Variants in PRKX observed in about 807,000 individuals in gnomAD.
PRKX encodes the protein cAMP-dependent protein kinase catalytic subunit PRKX.
Under a neutral mutation model 22.0 loss-of-function variants are expected in PRKX, and 12 were observed. The ratio of observed to expected loss-of-function variants is 0.54; its 90% CI spans 0.35 to 0.88. The LOEUF is 0.88. Ranked by LOEUF, PRKX falls within the 40% of genes least tolerant of loss-of-function variation. PRKX has a pLI of 0.01. For missense variants in PRKX, 217 were observed against 308.0 expected, an observed-to-expected ratio of 0.70 and a Z score of 2.21; for synonymous variants, 134 against 137.7, an observed-to-expected ratio of 0.97 and a Z score of 0.19.
chrX:3,637,226 T>A (rs1926910031), intron 4 of PRKX, among the ~76,000 whole-genome samples: 1 of 109,421 alleles, frequency 9.1e-6, no homozygotes, highest in Non-Finnish European at 1.9e-5. Flanking sequence ...TAAAAAGCAG[T>A]GGGAAGACAA....
chrX:3,673,713 G>T (rs1304175624), intron 2 of PRKX, among the ~76,000 whole-genome samples: 1 of 111,078 alleles, frequency 9.0e-6, no homozygotes, highest in Non-Finnish European at 1.9e-5. Context: ...AAGGCATCTG[G>T]GTGGAAATGG....
intron 1 of PRKX, among the ~76,000 whole-genome samples, chrX:3,687,685 T>TA (rs1245699115): frequency 1.1e-4 from 12 of 108,073 alleles, no homozygotes; most frequent in East Asian, 8.7e-4. Flanking sequence ...TCCCAGGGGC[T>TA]AAAAAAAAAC....
chrX:3,693,766 T>A (rs1461499691), intron 1 of PRKX, among the ~76,000 whole-genome samples: 1 of 106,903 alleles, frequency 9.4e-6, no homozygotes, highest in African/African-American at 3.4e-5. Context: ...TGAAACCGCG[T>A]CTCTACTAAA....
At chrX:3,710,334 C>G (rs771389263) in intron 1 of PRKX, among the ~76,000 whole-genome samples, 16 of 111,905 alleles carry the variant, frequency 1.4e-4, no homozygotes, top group Non-Finnish European at 2.3e-4. Context: ...GCAAACTGCA[C>G]TCTTTCTTCC....
At chrX:3,703,878 G>A (rs1227124245) in intron 1 of PRKX, among the ~76,000 whole-genome samples, 5 of 109,059 alleles carry the variant, frequency 4.6e-5, no homozygotes, top group African/African-American at 1.7e-4. Flanking sequence ...TTGTCATGTT[G>A]GCAAGGCTGG....
At chrX:3,644,920 C>A (rs765815995) in intron 3 of PRKX, among the ~76,000 whole-genome samples, 1 of 111,458 alleles carries the variant, frequency 9.0e-6, no homozygotes, top group South Asian at 3.9e-4. Context: ...TTTTTGGCTC[C>A]GTGTTAGGGT....
intron 6 of PRKX, among the ~76,000 whole-genome samples, chrX:3,619,125 T>C (rs1456219390): frequency 8.9e-6 from 1 of 112,539 alleles, no homozygotes; most frequent in Non-Finnish European, 1.9e-5. Flanking sequence ...TCTTTGCAGA[T>C]GTAACTAAAT....
intron 2 of PRKX, among the ~76,000 whole-genome samples, chrX:3,673,206 G>T (rs1359700516): frequency 1.8e-5 from 2 of 110,892 alleles, no homozygotes; most frequent in African/African-American, 6.6e-5. Context: ...ACAGGTAGGT[G>T]TTTCTTAGAT....
At chrX:3,644,950 T>C (rs1458194332) in intron 3 of PRKX, among the ~76,000 whole-genome samples, 1 of 111,445 alleles carries the variant, frequency 9.0e-6, no homozygotes, top group East Asian at 2.8e-4. Flanking sequence ...CACCTGAGGT[T>C]GTATGAGGCT....
intron 1 of PRKX, among the ~76,000 whole-genome samples, chrX:3,678,900 A>C (rs956039995): frequency 9.0e-6 from 1 of 111,239 alleles, no homozygotes; most frequent in Non-Finnish European, 1.9e-5. Flanking sequence ...AAGACATAAA[A>C]AAAGAGTGTT....
intron 2 of PRKX, chrX:3,668,339 A>C (rs1927777788): frequency 9.0e-6 from 1 of 111,105 alleles, no homozygotes; most frequent in South Asian, 3.9e-4. Context: ...ATGACAGAGC[A>C]AGAAGCGCTA....
rs1408607968 is a variant in PRKX at position 3,700,838 on chromosome X, G to A, written c.166+12250C>T. ...TAGTCTCGAACCCCTGGCCTCAAGCGCTCCACCCACCTCAACCTCCCAAAG... is the reference window on the plus strand; with the variant it reads ...TAGTCTCGAACCCCTGGCCTCAAGCACTCCACCCACCTCAACCTCCCAAAG... On this transcript the variant is annotated intron_variant, in intron 1 of 8. Transcript: ENST00000262848. 4.5e-5 allele frequency among the ~76,000 whole-genome samples: 5 copies of A among 111,049 alleles called. No individual in the cohort carries two copies. In the East Asian group the frequency reaches 1.1e-3, roughly 25 times the overall value.
intron 1 of PRKX, among the ~76,000 whole-genome samples, chrX:3,699,445 C>T (rs1165399389): frequency 9.0e-6 from 1 of 111,313 alleles, no homozygotes; most frequent in Non-Finnish European, 1.9e-5. Context: ...CACCGCCTGC[C>T]GGGTTCAAGT....
chrX:3,624,580 A>C (rs868464060), intron 5 of PRKX, among the ~76,000 whole-genome samples: 17 of 102,675 alleles, frequency 1.7e-4, no homozygotes, highest in Non-Finnish European at 2.8e-4. Flanking sequence ...AACATTGGAA[A>C]CCCCCCCCAT....
chrX:3,636,625 C>T (rs1439298059), intron 4 of PRKX, among the ~76,000 whole-genome samples: 2 of 112,108 alleles, frequency 1.8e-5, no homozygotes, highest in East Asian at 2.8e-4. Context: ...TTTGGGAGGC[C>T]GAAGCAGGTG....
chrX:3,699,075 C>T (rs1928504737), intron 1 of PRKX, among the ~76,000 whole-genome samples: 1 of 102,591 alleles, frequency 9.7e-6, no homozygotes, highest in African/African-American at 3.6e-5. Context: ...GTCACTCTGT[C>T]GCCCAGGCTG....
chrX:3,667,621 C>T (rs746157159), intron 2 of PRKX: 1 of 110,893 alleles, frequency 9.0e-6, no homozygotes, highest in Admixed American at 9.7e-5. Flanking sequence ...TGCACTCTCT[C>T]TCCCTGGATC....
intron 1 of PRKX, among the ~76,000 whole-genome samples, chrX:3,708,674 A>C (rs1302852849): frequency 1.8e-5 from 2 of 109,042 alleles, no homozygotes; most frequent in East Asian, 5.9e-4. Flanking sequence ...AGACCAGCCT[A>C]ATCAACATGG....
intron 4 of PRKX, among the ~76,000 whole-genome samples, chrX:3,635,405 T>C (rs948423938): frequency 2.2e-4 from 24 of 111,324 alleles, no homozygotes; most frequent in African/African-American, 7.5e-4. Context: ...GATCTGTCAT[T>C]GGAAAAATGA....
Sources: allele counts gnomAD v4.1 joint callset (sites outside exome capture counted in the v4.1 genomes callset), GRCh38; gene constraint gnomAD v4.1.1; transcripts MANE v1.5; gene names NCBI Gene and HGNC (gene_info 2026-07-23, HGNC 2026-07-21).